Variants in SUPT3H observed in about 807,000 individuals in gnomAD.
The protein encoded by SUPT3H is SPT3 homolog, SAGA and STAGA complex component, also known as transcription initiation protein SPT3 homolog.
SUPT3H carries 44 observed loss-of-function variants against 44.3 expected under a neutral mutation model. The ratio of observed to expected loss-of-function variants is 0.99; its 90% CI spans 0.78 to 1.28. The LOEUF (loss-of-function observed/expected upper bound fraction) is 1.28. SUPT3H is among the 50% of genes most tolerant of loss of function. The probability of loss-of-function intolerance (pLI) is 0.00; values close to 1 mark genes in which losing one functional copy is unlikely to be tolerated. For missense variants in SUPT3H, 380 were observed against 387.1 expected (o/e 0.98, Z 0.15); for synonymous variants, 124 against 125.6 (o/e 0.99, Z 0.09).
At chr6:45,243,439 C>T (rs1250839055) in intron 2 of SUPT3H, among the ~76,000 whole-genome samples, 1 of 151,878 alleles carries the variant, frequency 6.6e-6, no homozygotes, top group African/African-American at 2.4e-5. Flanking sequence ...AAAAATTACT[C>T]AAACCTAAAC....
chr6:45,325,111 C>A (rs1786148626), intron 2 of SUPT3H, among the ~76,000 whole-genome samples: 1 of 151,716 alleles, frequency 6.6e-6, no homozygotes, highest in East Asian at 1.9e-4. Flanking sequence ...AAGTTAAAAA[C>A]TTCCTTCGTA....
chr6:44,823,732 C>T (rs1021987106), downstream of SUPT3H, among the ~76,000 whole-genome samples: 14 of 152,098 alleles, frequency 9.2e-5, no homozygotes, highest in Non-Finnish European at 1.5e-4. Flanking sequence ...GAGGCTGAGG[C>T]GGGTGGATCG....
chr6:45,206,661 C>T (rs186517636), intron 2 of SUPT3H, among the ~76,000 whole-genome samples: 2 of 152,002 alleles, frequency 1.3e-5, no homozygotes, highest in Admixed American at 6.6e-5. Flanking sequence ...GAAAGACAGA[C>T]CTATTACAAG....
In SUPT3H at chr6:45,110,145, G is replaced by C. The variant is rs551387978; in HGVS notation, c.102-4139C>G. Among the ~76,000 whole-genome samples, 280 of 152,206 alleles carry C rather than the reference G, an allele frequency of 1.8e-3. 1 individual carries two copies. The highest frequency in any genetic ancestry group is 6.3e-3 in the African/African-American group (260 of 41,538). ...GGCCAGAGCAACTTAATAATGATTG[G>C]GGCGGAGCAACTTACACCCTATCTT... is the stretch of plus-strand genomic sequence containing the variant. On this transcript the variant is annotated intron_variant, in intron 2 of 10. Transcript: ENST00000371459.
At chr6:45,375,026 G>T (rs1463217725) in intron 1 of SUPT3H, among the ~76,000 whole-genome samples, 1 of 152,178 alleles carries the variant, frequency 6.6e-6, no homozygotes, top group Non-Finnish European at 1.5e-5. Context: ...GGCCAACATA[G>T]TGAAACTCTG....
At chr6:45,352,797 ATTAC>A (rs1361399686) in intron 2 of SUPT3H, among the ~76,000 whole-genome samples, 2 of 152,100 alleles carry the variant, frequency 1.3e-5, no homozygotes, top group Non-Finnish European at 2.9e-5. Context: ...TTTATTCTTT[ATTAC>A]TTATATTGCA....
At chr6:45,153,377 C>T (rs1002530267) in intron 2 of SUPT3H, among the ~76,000 whole-genome samples, 1 of 151,962 alleles carries the variant, frequency 6.6e-6, no homozygotes, top group Admixed American at 6.6e-5. Flanking sequence ...ATAGGGACAA[C>T]AATAATTAAT....
At chr6:44,837,823 GATAAT>G (rs1353632179) in intron 10 of SUPT3H, among the ~76,000 whole-genome samples, 2 of 152,148 alleles carry the variant, frequency 1.3e-5, no homozygotes, top group Non-Finnish European at 2.9e-5. Flanking sequence ...GTTTGTAGTA[GATAAT>G]ATAATTTTTT....
intron 3 of SUPT3H, among the ~76,000 whole-genome samples, chr6:45,043,623 A>G (rs763315072): frequency 3.4e-4 from 51 of 152,196 alleles, no homozygotes; most frequent in Non-Finnish European, 6.6e-4. Flanking sequence ...AAAAGAGGTG[A>G]AAACATGGAA....
intron 2 of SUPT3H, among the ~76,000 whole-genome samples, chr6:45,124,636 CAAAA>C (rs66849102): frequency 7.2e-6 from 1 of 139,326 alleles, no homozygotes; most frequent in Non-Finnish European, 1.5e-5. Flanking sequence ...GACTCCATCT[CAAAA>C]AAAAAAAAAG....
chr6:45,286,991 G>A (rs915415598), intron 2 of SUPT3H, among the ~76,000 whole-genome samples: 1 of 152,142 alleles, frequency 6.6e-6, no homozygotes, highest in Admixed American at 6.5e-5. Flanking sequence ...CTATCACAAG[G>A]AGAAAAAACC....
chr6:45,177,107 G>A (rs182434805), intron 2 of SUPT3H, among the ~76,000 whole-genome samples: 8 of 152,282 alleles, frequency 5.3e-5, no homozygotes, highest in Non-Finnish European at 4.4e-5. Flanking sequence ...GGCTTCAGAC[G>A]ATCAAATTAC....
intron 10 of SUPT3H, among the ~76,000 whole-genome samples, chr6:44,887,228 G>C (rs1762463318): frequency 2.0e-5 from 3 of 152,040 alleles, no homozygotes; most frequent in African/African-American, 7.2e-5. Context: ...AAGTTAACAA[G>C]GATATCCAGG....
At chr6:44,895,613 C>A (rs1764011430) in intron 10 of SUPT3H, among the ~76,000 whole-genome samples, 1 of 152,076 alleles carries the variant, frequency 6.6e-6, no homozygotes, top group African/African-American at 2.4e-5. Flanking sequence ...TATCACCTGT[C>A]TTTTTAACAT....
At chr6:44,990,349 T>C (rs548058406) in intron 6 of SUPT3H, among the ~76,000 whole-genome samples, 119 of 152,250 alleles carry the variant, frequency 7.8e-4, no homozygotes, top group African/African-American at 2.8e-3. Flanking sequence ...TCTGTTTTTA[T>C]GGCAAATCTC....
At chr6:44,901,330 G>A (rs1186853762) in intron 10 of SUPT3H, among the ~76,000 whole-genome samples, 2 of 152,030 alleles carry the variant, frequency 1.3e-5, no homozygotes, top group Non-Finnish European at 2.9e-5. Flanking sequence ...GTCCTAAAAG[G>A]ACCTGATGGA....
intron 9 of SUPT3H, among the ~76,000 whole-genome samples, chr6:44,938,478 T>A (rs922681827): frequency 6.6e-6 from 1 of 152,222 alleles, no homozygotes; most frequent in Admixed American, 6.5e-5. Flanking sequence ...TACTATGGCC[T>A]CACAGTATAA....
intron 1 of SUPT3H, among the ~76,000 whole-genome samples, chr6:45,374,670 CA>C (rs1481379863): frequency 2.0e-5 from 3 of 152,130 alleles, no homozygotes; most frequent in African/African-American, 7.2e-5. Flanking sequence ...AAAATAAAAT[CA>C]GTGTTATTTC....
chr6:45,125,560 C>T (rs1301249850), intron 2 of SUPT3H, among the ~76,000 whole-genome samples: 3 of 151,990 alleles, frequency 2.0e-5, no homozygotes, highest in South Asian at 2.1e-4. Flanking sequence ...AATAGTGCAA[C>T]GTATCCACTT....
Sources: allele counts gnomAD v4.1 joint callset (sites outside exome capture counted in the v4.1 genomes callset), GRCh38; gene constraint gnomAD v4.1.1; transcripts MANE v1.5; gene names NCBI Gene and HGNC (gene_info 2026-07-23, HGNC 2026-07-21).